Variants in FGF13 observed in about 807,000 individuals in gnomAD.
FGF13 encodes the protein fibroblast growth factor 13.
In FGF13, 2 loss-of-function variants were observed where a neutral mutation model predicts 19.5. That is an observed-to-expected ratio of 0.10 (90% CI 0.04 to 0.32). The LOEUF is 0.32. FGF13 is among the 10% of genes least tolerant of loss of function. The probability of loss-of-function intolerance (pLI) is 1.00; values close to 1 mark genes in which losing one functional copy is unlikely to be tolerated. For synonymous variants in FGF13, 72 were observed against 76.9 expected, an observed-to-expected ratio of 0.94 and a Z score of 0.33; for missense variants, 113 against 192.7, an observed-to-expected ratio of 0.59 and a Z score of 2.45.
At chrX:139,087,408 C>A (rs1220929392) in intron 1 of FGF13, among the ~76,000 whole-genome samples, 10 of 111,979 alleles carry the variant, frequency 8.9e-5, no homozygotes, top group Non-Finnish European at 1.7e-4. Context: ...TTCTTTCCAC[C>A]ATAATCTACA....
chrX:138,960,289 T>G (rs988215294), intron 1 of FGF13, among the ~76,000 whole-genome samples: 12 of 111,784 alleles, frequency 1.1e-4, no homozygotes, highest in African/African-American at 3.3e-4. Flanking sequence ...GAAACTTAGT[T>G]TGGCTGGATA....
intron 3 of FGF13, among the ~76,000 whole-genome samples, chrX:138,832,483 C>T (rs180777258): frequency 9.0e-6 from 1 of 111,132 alleles, no homozygotes; most frequent in Admixed American, 9.5e-5. Flanking sequence ...CTGTTGATGT[C>T]CTTTACCCAC....
chrX:139,169,562 G>T (rs1286291232), intron 1 of FGF13, among the ~76,000 whole-genome samples: 1 of 110,498 alleles, frequency 9.0e-6, no homozygotes, highest in Admixed American at 9.7e-5. Flanking sequence ...GGTCTCAAGG[G>T]ATCCTCCTGC....
intron 1 of FGF13, among the ~76,000 whole-genome samples, chrX:138,887,167 G>A (rs762149199): frequency 2.7e-5 from 3 of 111,470 alleles, no homozygotes; most frequent in African/African-American, 3.3e-5. Context: ...ATTCTCATTC[G>A]GAAAGTGGGC....
intron 3 of FGF13, among the ~76,000 whole-genome samples, chrX:138,834,504 T>C (rs1419040977): frequency 9.0e-6 from 1 of 110,877 alleles, no homozygotes; most frequent in Non-Finnish European, 1.9e-5. Flanking sequence ...ATCCCTCTTG[T>C]CATTTCTGAT....
intron 1 of FGF13, among the ~76,000 whole-genome samples, chrX:139,034,500 G>C (rs2092244125): frequency 9.0e-6 from 1 of 111,231 alleles, no homozygotes; most frequent in African/African-American, 3.3e-5. Flanking sequence ...TGTGGGAATG[G>C]AGGGGAGGGG....
At chrX:139,026,561 G>C (rs2092201766) in intron 1 of FGF13, among the ~76,000 whole-genome samples, 1 of 111,787 alleles carries the variant, frequency 8.9e-6, no homozygotes, top group Non-Finnish European at 1.9e-5. Flanking sequence ...TGACATCAAG[G>C]CCCAAGGTCA....
chrX:138,867,029 C>G (rs1269433521), intron 1 of FGF13, among the ~76,000 whole-genome samples: 1 of 111,477 alleles, frequency 9.0e-6, no homozygotes, highest in South Asian at 3.8e-4. Flanking sequence ...CAAACTGAAT[C>G]TCGACGTTTA....
intron 1 of FGF13, among the ~76,000 whole-genome samples, chrX:138,921,605 G>A (rs981078402): frequency 9.0e-6 from 1 of 110,642 alleles, no homozygotes; most frequent in Non-Finnish European, 1.9e-5. Context: ...ATGAAACTAT[G>A]GTTTCTCTAC....
At chrX:139,045,339 G>A (rs1444999243) in intron 1 of FGF13, among the ~76,000 whole-genome samples, 1 of 112,242 alleles carries the variant, frequency 8.9e-6, no homozygotes, top group Non-Finnish European at 1.9e-5. Context: ...CCTGTGATGG[G>A]ACAGGCTGCT....
At chrX:138,792,504 G>C (rs1044456353) in intron 3 of FGF13, among the ~76,000 whole-genome samples, 1 of 111,652 alleles carries the variant, frequency 9.0e-6, no homozygotes, top group Non-Finnish European at 1.9e-5. Context: ...CTGAGTCCTA[G>C]AGAGGTTAAA....
At chrX:138,975,735 A>C (rs2091937142) in intron 1 of FGF13, among the ~76,000 whole-genome samples, 1 of 111,688 alleles carries the variant, frequency 9.0e-6, no homozygotes, top group Non-Finnish European at 1.9e-5. Flanking sequence ...GACTGAGAGC[A>C]GTTCACTGGG....
intron 1 of FGF13, among the ~76,000 whole-genome samples, chrX:139,059,896 A>C (rs924857094): frequency 8.9e-6 from 1 of 111,796 alleles, no homozygotes; most frequent in Admixed American, 9.5e-5. Flanking sequence ...GAAAATATCT[A>C]GAAGTGGGAG....
At chrX:139,194,937 C>T (rs1243102361) in intron 1 of FGF13, among the ~76,000 whole-genome samples, 8 of 111,829 alleles carry the variant, frequency 7.2e-5, no homozygotes, top group African/African-American at 1.9e-4. Flanking sequence ...GACAAGCAAA[C>T]AGAAACCCCC....
intron 1 of FGF13, among the ~76,000 whole-genome samples, chrX:139,067,549 T>A (rs372415948): frequency 6.0e-4 from 67 of 111,582 alleles, no homozygotes; most frequent in African/African-American, 2.1e-3. Context: ...ACTAAAAGAA[T>A]AAAATACTTA....
At chrX:138,894,391 A>T (rs1355386547) in intron 1 of FGF13, among the ~76,000 whole-genome samples, 1 of 111,255 alleles carries the variant, frequency 9.0e-6, no homozygotes, top group African/African-American at 3.3e-5. Context: ...GAAAAGATCA[A>T]CAAAATTGAT....
intron 3 of FGF13, among the ~76,000 whole-genome samples, chrX:138,849,244 C>T (rs758398829): frequency 3.6e-5 from 4 of 111,587 alleles, no homozygotes; most frequent in Non-Finnish European, 5.7e-5. Flanking sequence ...AGACAGCTTC[C>T]TAATCTGCAA....
chrX:138,634,191 TTTTTTTTTTCTTTTG>T (rs1246655841), intron 4 of FGF13, among the ~76,000 whole-genome samples: 1 of 106,916 alleles, frequency 9.4e-6, no homozygotes, highest in Non-Finnish European at 1.9e-5. Context: ...TGTACACACA[TTTTTTTTTTCTTTTG>T]TTTTTTGAAA....
At position 139,037,037 on chromosome X, in the gene FGF13, C is replaced by G. The variant is rs529563625; in HGVS notation, c.-113+166379G>C. On this transcript the variant is annotated intron_variant, in intron 1 of 2. Coordinates refer to the FGF13 transcript ENST00000421460. ...CTCTGAATCTGAAGGTAGGTCAGAT[C>G]AAGCAATAGAATCTGTTAGCTCCAA... Among the ~76,000 whole-genome samples, 11 of 110,914 alleles carry G rather than the reference C, an allele frequency of 9.9e-5. No homozygotes were observed. In the South Asian group the frequency reaches 4.3e-3, roughly 43 times the overall value.
Sources: gnomAD v4.1 joint callset for allele counts (sites outside exome capture counted in the v4.1 genomes callset) on GRCh38, gnomAD v4.1.1 for gene constraint, MANE v1.5 for transcripts, NCBI Gene and HGNC (gene_info 2026-07-23, HGNC 2026-07-21) for gene names.